The following KIRREL3 variants were observed in gnomAD, a reference collection of about 807,000 sequenced individuals.
The protein encoded by KIRREL3 is kin of IRRE-like protein 3.
KIRREL3 carries 36 observed loss-of-function variants against 89.7 expected under a neutral mutation model. The ratio of observed to expected loss-of-function variants is 0.40; its 90% CI spans 0.31 to 0.53. The LOEUF (loss-of-function observed/expected upper bound fraction) is 0.53. Among genes scored for constraint, KIRREL3 ranks in the 20% least tolerant of loss-of-function variants. The probability of loss-of-function intolerance (pLI) is 0.49; values close to 1 mark genes in which losing one functional copy is unlikely to be tolerated. For synonymous variants in KIRREL3, 445 were observed against 441.4 expected (o/e 1.01, Z -0.10); for missense variants, 864 against 1,056.6 (o/e 0.82, Z 2.53).
At chr11:126,907,699 A>G (rs1946642247) in intron 1 of KIRREL3, among the ~76,000 whole-genome samples, 1 of 152,198 alleles carries the variant, frequency 6.6e-6, no homozygotes, top group South Asian at 2.1e-4. Context: ...TGGGATAGAC[A>G]GGCCTTGAGG....
At chr11:126,731,817 C>T (rs1948628066) in intron 1 of KIRREL3, among the ~76,000 whole-genome samples, 1 of 152,238 alleles carries the variant, frequency 6.6e-6, no homozygotes, top group South Asian at 2.1e-4. Context: ...CATTTATTCA[C>T]AAGCTGAAAG....
At chr11:126,691,935 A>G (rs1946892223) in intron 1 of KIRREL3, among the ~76,000 whole-genome samples, 1 of 152,264 alleles carries the variant, frequency 6.6e-6, no homozygotes, top group African/African-American at 2.4e-5. Context: ...ATCACTAATC[A>G]TCAGAGATTT....
chr11:126,820,535 G>A (rs535276616), intron 1 of KIRREL3, among the ~76,000 whole-genome samples: 3 of 152,228 alleles, frequency 2.0e-5, no homozygotes, highest in South Asian at 2.1e-4. Context: ...ACAAACACAC[G>A]ATAAGAGGTA....
chr11:126,934,500 A>G (rs1486523242), intron 1 of KIRREL3, among the ~76,000 whole-genome samples: 2 of 152,192 alleles, frequency 1.3e-5, no homozygotes, highest in Non-Finnish European at 2.9e-5. Flanking sequence ...TATTAGGAAA[A>G]TGAAAAGAGG....
intron 1 of KIRREL3, among the ~76,000 whole-genome samples, chr11:126,654,322 A>C (rs1490105439): frequency 6.7e-6 from 1 of 148,688 alleles, no homozygotes; most frequent in Non-Finnish European, 1.5e-5. Context: ...TGGATCTAGG[A>C]TACCTAAACT....
rs1211944198 is a variant in KIRREL3 at position 126,645,254 on chromosome 11, G to A, written c.56-82342C>T. 2.0e-5 allele frequency among the ~76,000 whole-genome samples: 3 copies of A among 152,140 alleles called. No homozygotes were observed. The highest frequency in any genetic ancestry group is 7.2e-5 in the African/African-American group (3 of 41,422). ...AATATTCTCAACTTGAGTTCCCTGC[G>A]GTTGTGGTCATGGGCCAATTGCAGT... On this transcript the variant is annotated intron_variant, in intron 1 of 16. Coordinates refer to ENST00000525144, the MANE Select transcript of KIRREL3 (RefSeq NM_032531.4). This position sits in a 1 kb window ranked among gnomAD's most constrained non-coding sequence, Gnocchi z 4.9.
chr11:126,536,980 C>T (rs603524), intron 2 of KIRREL3, among the ~76,000 whole-genome samples: 55,622 of 151,850 alleles, frequency 0.37, 11,581 homozygotes, highest in East Asian at 0.86. Context: ...TGCTTGGAGG[C>T]GGCTCAGAGG....
chr11:126,636,598 C>T lies in KIRREL3; in HGVS notation c.56-73686G>A, dbSNP rs372825377. Among the ~76,000 whole-genome samples, 1 of 152,242 alleles carries T rather than the reference C, an allele frequency of 6.6e-6. No homozygotes were observed. Among genetic ancestry groups the T allele is most frequent in the Admixed American group, 6.5e-5 (1 of 15,288 alleles). On this transcript the variant is annotated intron_variant, in intron 1 of 16. Coordinates refer to ENST00000525144, the MANE Select transcript of KIRREL3 (RefSeq NM_032531.4). The surrounding 1 kb of genome is among the most constrained non-coding windows in gnomAD (Gnocchi z 4.4). ...ACTGCTCTCTGAGTCTTACCTTAGT[C>T]TCCTGTCTTTTCTTCTGCCCTCCTG...
At position 126,708,325 on chromosome 11, in the gene KIRREL3, G is replaced by A. The variant is rs1947620701; in HGVS notation, c.56-145413C>T. 1.5e-5 allele frequency among the ~76,000 whole-genome samples: 1 copy of A among 64,924 alleles called. No homozygotes were observed. Among genetic ancestry groups the A allele is most frequent in the African/African-American group, 7.4e-5 (1 of 13,454 alleles). 42.6% of individuals were successfully genotyped at this position (64,924 alleles called of 152,430 possible). ...GAATAAGCAATACTGGAATAACAATGTACTCCTCACCAAGGCATTTAGCCA... is the reference window on the plus strand; with the variant it reads ...GAATAAGCAATACTGGAATAACAATATACTCCTCACCAAGGCATTTAGCCA... On this transcript the variant is annotated intron_variant, in intron 1 of 16. Coordinates refer to ENST00000525144, the MANE Select transcript of KIRREL3 (RefSeq NM_032531.4). The surrounding 1 kb of genome is among the most constrained non-coding windows in gnomAD (Gnocchi z 5.7).
At chr11:126,749,685 AC>A (rs1427060545) in intron 1 of KIRREL3, among the ~76,000 whole-genome samples, 1 of 152,148 alleles carries the variant, frequency 6.6e-6, no homozygotes, top group African/African-American at 2.4e-5. Context: ...AGAAGAAAAT[AC>A]AAAAGTCCAC....
chr11:126,923,191 TC>T (rs71051415), intron 1 of KIRREL3, among the ~76,000 whole-genome samples: 124 of 9,786 alleles, frequency 0.013, 38 homozygotes, highest in African/African-American at 0.023. Flanking sequence ...CTTCTTCTCT[TC>T]TTCTTCTTCT....
chr11:126,689,750 C>T lies in KIRREL3; in HGVS notation c.56-126838G>A, dbSNP rs1463985358. ...CACTTTTCTTTGGCCACCTGGGTCT[C>T]AGCAGAGGCCCTCCCAAGACTGACA... On this transcript the variant is annotated intron_variant, in intron 1 of 16. Transcript: ENST00000525144. This position sits in a 1 kb window ranked among gnomAD's most constrained non-coding sequence, Gnocchi z 5.2. 1.3e-5 allele frequency among the ~76,000 whole-genome samples: 2 copies of T among 152,234 alleles called. No homozygotes were observed. Among genetic ancestry groups the T allele is most frequent in the Non-Finnish European group, 2.9e-5 (2 of 68,044 alleles).
chr11:126,730,991 G>A lies in KIRREL3; in HGVS notation c.56-168079C>T, dbSNP rs529387863. Among the ~76,000 whole-genome samples the A allele has an allele frequency of 2.6e-5, 4 of 152,114 alleles. No homozygotes were observed. The South Asian group carries it at 8.3e-4, about 32-fold the overall frequency. On this transcript the variant is annotated intron_variant, in intron 1 of 16. Coordinates refer to ENST00000525144, the MANE Select transcript of KIRREL3 (RefSeq NM_032531.4). ...CCTGACCTCGTGATCCACCCGTCTC[G>A]GCCTCCCAAAGTGCTGGGATTACAG...
In KIRREL3 at chr11:126,769,139, C is replaced by T. The variant is rs1227426530; in HGVS notation, c.56-206227G>A. On this transcript the variant is annotated intron_variant, in intron 1 of 16. Coordinates refer to ENST00000525144, the MANE Select transcript of KIRREL3 (RefSeq NM_032531.4). This position sits in a 1 kb window ranked among gnomAD's most constrained non-coding sequence, Gnocchi z 4.3. ...TATCTCTTCCTCTGTGAGGCTTCCC[C>T]TCTTCCCACAGGTCCCATCTCTGCC... Among the ~76,000 whole-genome samples, 1 of 152,202 alleles carries T rather than the reference C, an allele frequency of 6.6e-6. No individual in the cohort carries two copies. Among genetic ancestry groups the T allele is most frequent in the Non-Finnish European group, 1.5e-5 (1 of 68,032 alleles).
In KIRREL3 at chr11:126,484,902, G is replaced by A. The variant is rs1246318948; in HGVS notation, c.434-11436C>T. Among the ~76,000 whole-genome samples the A allele has an allele frequency of 1.3e-5, 2 of 150,566 alleles. No homozygotes were observed. The highest frequency in any genetic ancestry group is 2.4e-5 in the African/African-American group (1 of 40,836). ...ACAATGTAGGCTCACTGCAGCCTCC[G>A]CCTCCCAGGTTCAAGCGATTCTCCT... On this transcript the variant is annotated intron_variant, in intron 4 of 16. Coordinates refer to ENST00000525144, the MANE Select transcript of KIRREL3 (RefSeq NM_032531.4). This position sits in a 1 kb window ranked among gnomAD's most constrained non-coding sequence, Gnocchi z 5.2.
At position 126,876,139 on chromosome 11, in the gene KIRREL3, G is replaced by A. The variant is rs994048720; in HGVS notation, c.55+124316C>T. Among the ~76,000 whole-genome samples the A allele has an allele frequency of 6.6e-6, 1 of 152,130 alleles. No individual in the cohort carries two copies. Among genetic ancestry groups the A allele is most frequent in the African/African-American group, 2.4e-5 (1 of 41,434 alleles). On this transcript the variant is annotated intron_variant, in intron 1 of 16. Transcript: ENST00000525144. The surrounding 1 kb of genome is among the most constrained non-coding windows in gnomAD (Gnocchi z 4.1). ...TTCTACTAGCTCTTCAGAACTTTCT[G>A]GCCCCAATACTACTAGCTCAACAGA...
chr11:126,680,735 CAA>C (rs397971552), intron 1 of KIRREL3, among the ~76,000 whole-genome samples: 114 of 118,070 alleles, frequency 9.7e-4, no homozygotes, highest in Admixed American at 9.7e-4. Context: ...ATACTTAGAG[CAA>C]AAAAAAAAAA....
intron 1 of KIRREL3, among the ~76,000 whole-genome samples, chr11:126,713,896 G>A (rs1306023678): frequency 6.6e-6 from 1 of 152,164 alleles, no homozygotes; most frequent in Non-Finnish European, 1.5e-5. Context: ...ACAGTGCTTG[G>A]AGGACCTAAA....
chr11:126,448,025 G>A (rs1955890510), intron 8 of KIRREL3, among the ~76,000 whole-genome samples: 1 of 152,160 alleles, frequency 6.6e-6, no homozygotes, highest in African/African-American at 2.4e-5. Flanking sequence ...GGTGGCTCAT[G>A]CCTGTAATCC....
Sources: allele counts gnomAD v4.1 joint callset (sites outside exome capture counted in the v4.1 genomes callset), GRCh38; gene constraint gnomAD v4.1.1; non-coding constraint Gnocchi (gnomAD v3.1); transcripts MANE v1.5; gene names NCBI Gene and HGNC (gene_info 2026-07-23, HGNC 2026-07-21).